The following NEBL variants were observed in gnomAD, a reference collection of about 807,000 sequenced individuals.
NEBL encodes LIM and SH3 protein 2.
In NEBL, 122 loss-of-function variants were observed where a neutral mutation model predicts 140.2. The ratio of observed to expected loss-of-function variants is 0.87; its 90% CI spans 0.75 to 1.01. The LOEUF (loss-of-function observed/expected upper bound fraction) is 1.01, where lower values mean the gene tolerates loss of function less well. NEBL is among the 50% of genes least tolerant of loss of function. The pLI is 0.00. For synonymous variants in NEBL, 436 were observed against 398.9 expected (o/e 1.09, Z -1.11); for missense variants, 1,365 against 1,231.3 (o/e 1.11, Z -1.62).
intron 2 of NEBL, among the ~76,000 whole-genome samples, chr10:21,128,487 T>G (rs756126823): frequency 1.3e-5 from 2 of 152,136 alleles, no homozygotes; most frequent in Non-Finnish European, 2.9e-5. Context: ...CACATAACCT[T>G]GATTACTGTA....
chr10:21,148,231 A>C, intron 2 of NEBL, among the ~76,000 whole-genome samples: 1 of 152,252 alleles, frequency 6.6e-6, no homozygotes, highest in Non-Finnish European at 1.5e-5. Flanking sequence ...TGATTTATCC[A>C]GTATACTCCT....
intron 3 of NEBL, among the ~76,000 whole-genome samples, chr10:21,214,215 A>C (rs899966819): frequency 6.6e-6 from 1 of 151,726 alleles, no homozygotes; most frequent in Non-Finnish European, 1.5e-5. Flanking sequence ...GCACACACAC[A>C]AAAGGCAAAG....
intron 4 of NEBL, among the ~76,000 whole-genome samples, chr10:20,929,278 T>G (rs1360013957): frequency 6.6e-6 from 1 of 151,852 alleles, no homozygotes; most frequent in Admixed American, 6.6e-5. Context: ...TATATATATA[T>G]TCCTATCACT....
intron 2 of NEBL, chr10:21,029,240 G>C: frequency 1.3e-6 from 2 of 1,535,424 alleles, no homozygotes; most frequent in Admixed American, 1.7e-5. Flanking sequence ...CCGGCTGCTC[G>C]GGAACCCAAT....
intron 19 of NEBL, 60 bp downstream of exon 19, chr10:20,823,148 C>A: frequency 8.1e-7 from 1 of 1,241,896 alleles, no homozygotes; most frequent in South Asian, 1.3e-5. Context: ...AGGTTTTATG[C>A]TGTCATTACG....
intron 3 of NEBL, among the ~76,000 whole-genome samples, chr10:21,005,181 A>G (rs935736556): frequency 1.1e-4 from 16 of 152,240 alleles, no homozygotes; most frequent in African/African-American, 3.9e-4. Context: ...ACACACACAC[A>G]CTCACACCTT....
intron 3 of NEBL, among the ~76,000 whole-genome samples, chr10:20,970,711 T>C (rs1836532327): frequency 6.6e-6 from 1 of 152,102 alleles, no homozygotes; most frequent in Non-Finnish European, 1.5e-5. Context: ...GGTACATATA[T>C]CATCTTCAGA....
intron 2 of NEBL, among the ~76,000 whole-genome samples, chr10:21,075,095 G>T (rs1253960533): frequency 6.6e-6 from 1 of 151,954 alleles, no homozygotes; most frequent in Non-Finnish European, 1.5e-5. Context: ...TGTGAGCCAC[G>T]ACACCCAGCC....
chr10:21,135,831 G>A (rs764742433), intron 2 of NEBL, among the ~76,000 whole-genome samples: 2 of 152,108 alleles, frequency 1.3e-5, no homozygotes, highest in African/African-American at 2.4e-5. Flanking sequence ...TTGGCTCTCC[G>A]TGCAGCTGGA....
intron 13 of NEBL, among the ~76,000 whole-genome samples, chr10:20,836,019 C>CA (rs554818356): frequency 8.9e-4 from 136 of 152,226 alleles, no homozygotes; most frequent in African/African-American, 3.1e-3. Context: ...TACTCATCTG[C>CA]AAAATGAAGG....
At chr10:21,041,641 CT>C (rs374186645) in intron 2 of NEBL, among the ~76,000 whole-genome samples, 4 of 151,788 alleles carry the variant, frequency 2.6e-5, no homozygotes, top group Non-Finnish European at 4.4e-5. Flanking sequence ...TCCCTCTACT[CT>C]TTTTTTTATT....
chr10:20,928,954 A>G (rs1308194261), intron 4 of NEBL, among the ~76,000 whole-genome samples: 1 of 152,048 alleles, frequency 6.6e-6, no homozygotes, highest in Non-Finnish European at 1.5e-5. Context: ...TCTATTCACT[A>G]TTTCCAATTC....
intron 4 of NEBL, among the ~76,000 whole-genome samples, chr10:20,946,125 A>G (rs950907922): frequency 6.6e-6 from 1 of 152,186 alleles, no homozygotes; most frequent in Non-Finnish European, 1.5e-5. Flanking sequence ...CAGATGATTG[A>G]CAGGCCCCTG....
chr10:21,188,584 A>T (rs1349444228), intron 3 of NEBL, among the ~76,000 whole-genome samples: 2 of 150,636 alleles, frequency 1.3e-5, no homozygotes, highest in African/African-American at 4.9e-5. Context: ...ATGCAATTGG[A>T]TATATAGTAA....
chr10:20,947,945 T>C (rs1835260465), intron 4 of NEBL, among the ~76,000 whole-genome samples: 1 of 152,214 alleles, frequency 6.6e-6, no homozygotes, highest in South Asian at 2.1e-4. Flanking sequence ...ATCTTTAGGA[T>C]TCCCTGGGCC....
intron 3 of NEBL, among the ~76,000 whole-genome samples, chr10:21,011,394 T>C (rs1838333123): frequency 6.6e-6 from 1 of 152,234 alleles, no homozygotes; most frequent in South Asian, 2.1e-4. Context: ...CACACGGAAG[T>C]GGAAAGAACT....
rs539800366 is a variant in NEBL at position 21,187,712 on chromosome 10, C to T, written n.349-15235G>A. Among the ~76,000 whole-genome samples, 8 of 152,120 alleles carry T rather than the reference C, an allele frequency of 5.3e-5. No homozygotes were observed. In the East Asian group the frequency reaches 1.4e-3, roughly 26 times the overall value. Reference sequence around the variant, plus strand: ...TATTTTTTGTAGAGAGGGGATTTCACCATGCTGCCCAGGCTAGTCTCAAAC... The same window carrying T: ...TATTTTTTGTAGAGAGGGGATTTCATCATGCTGCCCAGGCTAGTCTCAAAC... On this transcript the variant is annotated intron_variant and non_coding_transcript_variant, in intron 3 of 8. Coordinates refer to the NEBL transcript ENST00000675702.
rs143569091 is a variant in NEBL at position 21,146,388 on chromosome 10, A to G, written c.164+25995T>C. 1.3e-3 allele frequency: 2,144 copies of G among 1,610,866 alleles called. 7 individuals are homozygous for G. The highest frequency in any genetic ancestry group is 1.6e-3 in the Non-Finnish European group (1,836 of 1,179,228). On this transcript the variant is annotated intron_variant, in intron 2 of 6. Coordinates refer to the NEBL transcript ENST00000417816. The stretch of plus-strand genomic sequence containing the variant: ...ATTTCAGCCACACAAGAAAAAAATG[A>G]CTGGTTGATTAGTAAAGCACAAACA...
chr10:21,228,722 A>G (rs1365172715), intron 3 of NEBL, among the ~76,000 whole-genome samples: 1 of 152,234 alleles, frequency 6.6e-6, no homozygotes, highest in Non-Finnish European at 1.5e-5. Flanking sequence ...CCATAAATAA[A>G]ATTTCTAAAA....
Sources: gnomAD v4.1 joint callset for allele counts (sites outside exome capture counted in the v4.1 genomes callset) on GRCh38, gnomAD v4.1.1 for gene constraint, MANE v1.5 for transcripts, NCBI Gene and HGNC (gene_info 2026-07-23, HGNC 2026-07-21) for gene names.